Variants in KCND2 observed in about 807,000 individuals in gnomAD.
KCND2 encodes potassium voltage-gated channel subfamily D member 2.
Under a neutral mutation model 54.4 loss-of-function variants are expected in KCND2, and 16 were observed. The observed-to-expected ratio is 0.29, with a 90% CI of 0.20 to 0.45. The LOEUF is 0.45. Ranked by LOEUF, KCND2 falls within the 20% of genes least tolerant of loss-of-function variation. KCND2 has a pLI of 1.00. For synonymous variants in KCND2, 317 were observed against 310.7 expected (o/e 1.02, Z -0.21); for missense variants, 486 against 824.2 (o/e 0.59, Z 5.02).
chr7:120,487,296 C>T, intron 1 of KCND2, among the ~76,000 whole-genome samples: 1 of 151,816 alleles, frequency 6.6e-6, no homozygotes, highest in East Asian at 1.9e-4. Flanking sequence ...CTCTCGATAT[C>T]AGAAACTGAG....
At chr7:120,284,259 G>A (rs73429961) in intron 1 of KCND2, among the ~76,000 whole-genome samples, 3,255 of 151,958 alleles carry the variant, frequency 0.021, 133 homozygotes, top group African/African-American at 0.074. Flanking sequence ...AAGGAAGCAA[G>A]GATTCATGGG....
chr7:120,678,357 AT>A (rs1035910180), intron 1 of KCND2, among the ~76,000 whole-genome samples: 1 of 145,044 alleles, frequency 6.9e-6, no homozygotes, highest in Admixed American at 7.0e-5. Context: ...ATATATATAT[AT>A]ATATATATAT....
At chr7:120,324,398 G>T (rs879839626) in intron 1 of KCND2, among the ~76,000 whole-genome samples, 2 of 144,444 alleles carry the variant, frequency 1.4e-5, no homozygotes, top group African/African-American at 5.1e-5. Context: ...GAATGGTAAT[G>T]CCTAGGTTTT....
intron 1 of KCND2, among the ~76,000 whole-genome samples, chr7:120,441,176 CAA>C (rs1161222483): frequency 2.6e-5 from 4 of 152,012 alleles, no homozygotes; most frequent in Non-Finnish European, 5.9e-5. Flanking sequence ...TCTGTAGAAT[CAA>C]AGAGACCTGC....
At chr7:120,448,630 A>AT (rs1361370777) in intron 1 of KCND2, among the ~76,000 whole-genome samples, 1 of 152,162 alleles carries the variant, frequency 6.6e-6, no homozygotes, top group African/African-American at 2.4e-5. Context: ...AAAAAAGAGA[A>AT]TTTTAGACCA....
At chr7:120,426,649 GCGCAA>G (rs1801712285) in intron 1 of KCND2, among the ~76,000 whole-genome samples, 1 of 87,562 alleles carries the variant, frequency 1.1e-5, no homozygotes, top group Non-Finnish European at 1.9e-5. Context: ...GAGTGCAGTG[GCGCAA>G]TCTGTCGCCC....
intron 1 of KCND2, among the ~76,000 whole-genome samples, chr7:120,328,115 G>T (rs1028297176): frequency 5.3e-5 from 8 of 152,000 alleles, no homozygotes; most frequent in African/African-American, 1.9e-4. Flanking sequence ...ACAATGTCAT[G>T]GCATTCCCAA....
chr7:120,746,185 C>T (rs1194767740), intron 5 of KCND2, among the ~76,000 whole-genome samples, 158 bp downstream of exon 5: 1 of 152,110 alleles, frequency 6.6e-6, no homozygotes, highest in Admixed American at 6.6e-5. Flanking sequence ...AATGGTTCTG[C>T]TTGCATATCC....
At chr7:120,324,330 T>C (rs1405965968) in intron 1 of KCND2, among the ~76,000 whole-genome samples, 1 of 148,744 alleles carries the variant, frequency 6.7e-6, no homozygotes, top group African/African-American at 2.5e-5. Context: ...AATTTTGGCT[T>C]TTGTTGCCAT....
At chr7:120,726,044 A>T (rs1296537301) in intron 1 of KCND2, among the ~76,000 whole-genome samples, 1 of 152,200 alleles carries the variant, frequency 6.6e-6, no homozygotes. Context: ...TTTAAAATAC[A>T]CTGTTAAAAG....
chr7:120,698,880 A>G (rs1006292248), intron 1 of KCND2, among the ~76,000 whole-genome samples: 37 of 152,256 alleles, frequency 2.4e-4, no homozygotes, highest in African/African-American at 8.7e-4. Context: ...AAATTCATGT[A>G]GGTATTTCTG....
chr7:120,552,901 C>T (rs1013856981), intron 1 of KCND2, among the ~76,000 whole-genome samples: 1 of 152,092 alleles, frequency 6.6e-6, no homozygotes, highest in Non-Finnish European at 1.5e-5. Flanking sequence ...TTTTTCCCAG[C>T]TTTATTGAGG....
In KCND2 at chr7:120,273,766, T is replaced by C. The variant is rs1163426173; in HGVS notation, c.-867T>C. 1 of 152,612 alleles carries C rather than the reference T, an allele frequency of 6.6e-6. No individual in the cohort carries two copies. Among genetic ancestry groups the C allele is most frequent in the East Asian group, 1.9e-4 (1 of 5,166 alleles). 9.5% of individuals were successfully genotyped at this position (152,612 alleles called of 1,614,324 possible). ...AAGCCCCGGCGCGCACTTGGCCAGG[T>C]ATGTACCGCGGGAGCGGCGCGTTCT... On this transcript the variant is annotated 5_prime_UTR_variant, in exon 1 of 6. Transcript: ENST00000331113.
intron 1 of KCND2, among the ~76,000 whole-genome samples, chr7:120,313,863 A>AG (rs1228207771): frequency 2.0e-5 from 3 of 151,256 alleles, no homozygotes; most frequent in East Asian, 3.9e-4. Flanking sequence ...ATCCCTGTCC[A>AG]GGAAGTTGAA....
At chr7:120,516,537 G>T (rs1307005584) in intron 1 of KCND2, among the ~76,000 whole-genome samples, 1 of 152,008 alleles carries the variant, frequency 6.6e-6, no homozygotes, top group Non-Finnish European at 1.5e-5. Flanking sequence ...GGCTTCATAG[G>T]CTAGGACATG....
intron 1 of KCND2, among the ~76,000 whole-genome samples, chr7:120,463,168 G>C (rs1161999154): frequency 6.6e-6 from 1 of 151,812 alleles, no homozygotes; most frequent in Non-Finnish European, 1.5e-5. Context: ...GACTAAGATG[G>C]TTAAACCATG....
chr7:120,353,275 C>T (rs898018256), intron 1 of KCND2, among the ~76,000 whole-genome samples: 18 of 150,924 alleles, frequency 1.2e-4, no homozygotes, highest in African/African-American at 1.9e-4. Flanking sequence ...CTGAATATTG[C>T]GCCATTTAGA....
chr7:120,507,123 G>A (rs1056528105), intron 1 of KCND2, among the ~76,000 whole-genome samples: 5 of 151,952 alleles, frequency 3.3e-5, no homozygotes, highest in Non-Finnish European at 5.9e-5. Context: ...AATGATCATA[G>A]ACCACATTCT....
intron 1 of KCND2, among the ~76,000 whole-genome samples, chr7:120,553,233 A>G (rs934413481): frequency 6.6e-6 from 1 of 152,236 alleles, no homozygotes; most frequent in African/African-American, 2.4e-5. Context: ...TTCCACATCT[A>G]AGTGAGATCA....
Sources: allele counts gnomAD v4.1 joint callset (sites outside exome capture counted in the v4.1 genomes callset), GRCh38; gene constraint gnomAD v4.1.1; transcripts MANE v1.5; gene names NCBI Gene and HGNC (gene_info 2026-07-23, HGNC 2026-07-21).